UGT3A2: variants seen among roughly 807,000 people sequenced by gnomAD.
The protein encoded by UGT3A2 is UDP glycosyltransferase family 3 member A2.
Under a neutral mutation model 39.8 loss-of-function variants are expected in UGT3A2, and 32 were observed. The observed-to-expected ratio is 0.80, with a 90% CI of 0.61 to 1.08. The LOEUF is 1.08. Among genes scored for constraint, UGT3A2 ranks in the 50% least tolerant of loss-of-function variants. The pLI is 0.00. For missense variants in UGT3A2, 611 were observed against 637.1 expected (o/e 0.96, Z 0.44); for synonymous variants, 241 against 230.7 (o/e 1.04, Z -0.40).
At chr5:36,064,224 A>G in intron 2 of UGT3A2, 25 bp downstream of exon 2, 2 of 1,604,902 alleles carry the variant, frequency 1.2e-6, no homozygotes, top group African/African-American at 1.3e-5. Context: ...GAGTAGGAGA[A>G]ATCAAGAAAA....
At chr5:36,062,595 G>A (rs1298325841) in intron 2 of UGT3A2, among the ~76,000 whole-genome samples, 1 of 151,830 alleles carries the variant, frequency 6.6e-6, no homozygotes, top group Non-Finnish European at 1.5e-5. Context: ...CTGTTCCATT[G>A]ATCTATATCT....
In UGT3A2 at chr5:36,035,937, G is replaced by A. The variant is rs149386304; in HGVS notation, c.1333C>T (p.Arg445Cys). 7.1e-5 allele frequency: 115 copies of A among 1,614,046 alleles called. No individual in the cohort carries two copies. The African/African-American group carries it at 1.2e-3, about 16-fold the overall frequency. Residue 445 changes from arginine (R) to cysteine (C), a missense_variant, in exon 7 of 7, where the codon CGC (arginine) becomes TGC (cysteine). Coordinates refer to ENST00000282507, the MANE Select transcript of UGT3A2 (RefSeq NM_174914.4). ...SAAVAASVIL[R>C]SHPLSPTQRL... The stretch of plus-strand genomic sequence containing the variant: ...TGTGTGGGGCTGAGCGGGTGGGAGC[G>A]CAGGATGACACTGGCAGCCACTGCC...
intron 2 of UGT3A2, 133 bp downstream of exon 2, chr5:36,064,116 C>T (rs367612716): frequency 4.4e-6 from 3 of 681,968 alleles, no homozygotes; most frequent in Non-Finnish European, 6.9e-6. Context: ...ACTTTACATA[C>T]ACACACACAC....
chr5:36,046,266 C>A (rs1436970774), intron 4 of UGT3A2, among the ~76,000 whole-genome samples: 1 of 152,194 alleles, frequency 6.6e-6, no homozygotes, highest in Non-Finnish European at 1.5e-5. Flanking sequence ...TAAGTATACA[C>A]CCAAAAGAAA....
intron 4 of UGT3A2, among the ~76,000 whole-genome samples, chr5:36,047,406 G>C (rs902011948): frequency 3.3e-5 from 5 of 152,108 alleles, no homozygotes; most frequent in African/African-American, 1.2e-4. Flanking sequence ...TTTGTGTTTG[G>C]CACAATTTTG....
chr5:36,059,111 C>T (rs936755565), intron 2 of UGT3A2, among the ~76,000 whole-genome samples: 1 of 152,136 alleles, frequency 6.6e-6, no homozygotes, highest in African/African-American at 2.4e-5. Context: ...CTAGCAGAAA[C>T]TTGCAGGCAC....
At chr5:36,059,361 C>CTT (rs35872759) in intron 2 of UGT3A2, among the ~76,000 whole-genome samples, 9,518 of 118,586 alleles carry the variant, frequency 0.08, 856 homozygotes, top group African/African-American at 0.22. Flanking sequence ...TTTCTTTTCT[C>CTT]TTTTTTTTTT....
At chr5:36,064,632 G>A (rs936850162) in intron 1 of UGT3A2, among the ~76,000 whole-genome samples, 2 of 152,166 alleles carry the variant, frequency 1.3e-5, no homozygotes, top group African/African-American at 4.8e-5. Context: ...GCTTAGCCAT[G>A]GGAGTTCCTC....
intron 2 of UGT3A2, among the ~76,000 whole-genome samples, chr5:36,060,132 C>G (rs1742641857): frequency 6.6e-6 from 1 of 152,226 alleles, no homozygotes; most frequent in South Asian, 2.1e-4. Context: ...ACCCCTGACT[C>G]CATGTTTGTG....
chr5:36,041,891 T>G (rs1364200120), intron 4 of UGT3A2, among the ~76,000 whole-genome samples: 2 of 151,988 alleles, frequency 1.3e-5, no homozygotes, highest in Non-Finnish European at 2.9e-5. Context: ...AAAACATGAC[T>G]TCACCCAACG....
At chr5:36,046,970 C>T (rs769568580) in intron 4 of UGT3A2, among the ~76,000 whole-genome samples, 13 of 152,228 alleles carry the variant, frequency 8.5e-5, no homozygotes, top group Non-Finnish European at 1.6e-4. Flanking sequence ...AAGCTGGGAA[C>T]TGCATCAGGC....
chr5:36,049,050 G>A lies in UGT3A2; in HGVS notation c.682C>T (p.His228Tyr), dbSNP rs1368737720. The change falls in exon 4 of 7, where the codon CAT becomes TAT. Residue 228 changes from histidine (H) to tyrosine (Y), a missense_variant. By Grantham distance (83) the His-to-Tyr change is moderately conservative. Coordinates refer to ENST00000282507, the MANE Select transcript of UGT3A2 (RefSeq NM_174914.4). The stretch of plus-strand genomic sequence containing the variant: ...ACTGGCCTAGAGCCTTCTGTGAAAT[G>A]TTCCTTGATGGTGTTGTCAAATGTA... ...QSTFDNTIKE[H>Y]FTEGSRPVLS... 28 of 1,614,098 alleles carry A rather than the reference G, an allele frequency of 1.7e-5. No homozygotes were observed. The highest frequency in any genetic ancestry group is 4.0e-5 in the African/African-American group (3 of 74,942).
intron 4 of UGT3A2, among the ~76,000 whole-genome samples, chr5:36,045,844 G>A (rs575823169): frequency 1.3e-5 from 2 of 152,066 alleles, no homozygotes; most frequent in South Asian, 2.1e-4. Flanking sequence ...GATAACCCAC[G>A]GAATGGGAAA....
At chr5:36,052,457 T>A (rs979082998) in intron 2 of UGT3A2, among the ~76,000 whole-genome samples, 9 of 152,232 alleles carry the variant, frequency 5.9e-5, no homozygotes, top group South Asian at 2.1e-4. Context: ...CCATGTGTAA[T>A]AAGAAGTCTG....
At position 36,035,803 on chromosome 5, in the gene UGT3A2, A is replaced by T; in HGVS notation, c.1467T>A (p.Phe489Leu). Residue 489 changes from phenylalanine (F) to leucine (L), a missense_variant, in exon 7 of 7, where the codon TTT (phenylalanine) becomes TTA (leucine). By Grantham distance (22) the Phe-to-Leu change is conservative. Coordinates refer to ENST00000282507, the MANE Select transcript of UGT3A2 (RefSeq NM_174914.4). The stretch of plus-strand genomic sequence containing the variant: ...CCAGAGTGAGCCCCAGCAGAAACAC[A>T]AAAACGTCGAGCAGGTACTGCTCAT... ...PWHEQYLLDV[F>L]VFLLGLTLGT... 1 of 1,614,172 alleles carries T rather than the reference A, an allele frequency of 6.2e-7. No individual in the cohort carries two copies. The highest frequency in any genetic ancestry group is 8.5e-7 in the Non-Finnish European group (1 of 1,180,034).
intron 2 of UGT3A2, among the ~76,000 whole-genome samples, chr5:36,060,155 A>G (rs1464105078): frequency 6.6e-6 from 1 of 152,254 alleles, no homozygotes; most frequent in East Asian, 1.9e-4. Context: ...CATGCTGGCC[A>G]TGGTTTCCTG....
At chr5:36,066,660 C>T (rs1031879775) in intron 1 of UGT3A2, 36 bp downstream of exon 1, 2 of 1,612,920 alleles carry the variant, frequency 1.2e-6, no homozygotes, top group South Asian at 2.2e-5. Flanking sequence ...GTATCCGGGA[C>T]GCGCCTGTCT....
chr5:36,058,666 G>C (rs952019225), intron 2 of UGT3A2, among the ~76,000 whole-genome samples: 3 of 152,144 alleles, frequency 2.0e-5, no homozygotes, highest in South Asian at 2.1e-4. Flanking sequence ...AAATAAGAAG[G>C]GTTGTGGAAG....
rs868669617 is a variant in UGT3A2, at chr5:36,051,754, C to G, written c.311+116G>C. 1.4e-5 allele frequency: 11 copies of G among 766,088 alleles called. No individual in the cohort carries two copies. The Middle Eastern group carries it at 1.4e-3, about 98-fold the overall frequency. 47.5% of individuals were successfully genotyped at this position (766,088 alleles called of 1,614,324 possible). A position where few individuals can be genotyped will look rare whatever the true frequency, so the allele number is the denominator to read the frequency against. On this transcript the variant is annotated intron_variant, in intron 3 of 6. Coordinates refer to ENST00000282507, the MANE Select transcript of UGT3A2 (RefSeq NM_174914.4). Reference sequence around the variant, plus strand: ...TCCATCCGTCCATCCATCCATCCATCCATCCATCCATTCGTCACTTTCTCT... The same window carrying G: ...TCCATCCGTCCATCCATCCATCCATGCATCCATCCATTCGTCACTTTCTCT...
Sources: allele counts gnomAD v4.1 joint callset (sites outside exome capture counted in the v4.1 genomes callset), GRCh38; gene constraint gnomAD v4.1.1; transcripts MANE v1.5; gene names NCBI Gene and HGNC (gene_info 2026-07-23, HGNC 2026-07-21).